PINK1: variants seen among roughly 807,000 people sequenced by gnomAD.
PINK1 encodes serine/threonine-protein kinase PINK1, mitochondrial.
PINK1 carries 58 observed loss-of-function variants against 56.0 expected under a neutral mutation model. The ratio of observed to expected loss-of-function variants is 1.04; its 90% CI spans 0.84 to 1.29. PINK1 has a LOEUF of 1.29. Among genes scored for constraint, PINK1 ranks in the 50% most tolerant of loss-of-function variants. The pLI is 0.00. For missense variants in PINK1, 745 were observed against 777.9 expected, an observed-to-expected ratio of 0.96 and a Z score of 0.50; for synonymous variants, 354 against 339.3, an observed-to-expected ratio of 1.04 and a Z score of -0.48.
chr1:20,647,210 C>G (rs180793992), intron 5 of PINK1, among the ~76,000 whole-genome samples: 1,565 of 152,056 alleles, frequency 0.01, 19 homozygotes, highest in African/African-American at 0.035. Flanking sequence ...GCGCCCACCA[C>G]CACGCCCGGC....
Position 20,633,512 on chromosome 1 carries a change from A to G in PINK1, c.-37A>G, listed in dbSNP as rs1226820560. The stretch of plus-strand genomic sequence containing the variant: ...GGCGGGGGACGCCGGTGGTGGCGGC[A>G]GCGGCGGCTGCGGGGGCACCGGGCC... On this transcript the variant is annotated 5_prime_UTR_variant, in exon 1 of 8. Transcript: ENST00000321556. The G allele has an allele frequency of 2.5e-5, 28 of 1,122,222 alleles. No homozygotes were observed. Among genetic ancestry groups the G allele is most frequent in the Non-Finnish European group, 3.0e-5 (28 of 918,782 alleles). 69.5% of individuals were successfully genotyped at this position (1,122,222 alleles called of 1,614,324 possible).
intron 1 of PINK1, among the ~76,000 whole-genome samples, chr1:20,636,707 G>A (rs1311750917): frequency 6.6e-6 from 1 of 152,172 alleles, no homozygotes; most frequent in Non-Finnish European, 1.5e-5. Flanking sequence ...CAGATAGCAG[G>A]TGCTTTAGGA....
In PINK1 at chr1:20,637,991, C is replaced by G; in HGVS notation, c.537C>G (p.Pro179=). The G allele has an allele frequency of 6.2e-7, 1 of 1,614,160 alleles. No individual in the cohort carries two copies. The highest frequency in any genetic ancestry group is 8.5e-7 in the Non-Finnish European group (1 of 1,180,012). ...AVYEATMPTL[P]QNLEVTKSTG... Reference sequence around the variant, plus strand: ...ATGAAGCCACCATGCCTACATTGCCCCAGAACCTGGAGGTGACAAAGAGCA... The same window carrying G: ...ATGAAGCCACCATGCCTACATTGCCGCAGAACCTGGAGGTGACAAAGAGCA... Residue 179 remains proline (P), a synonymous_variant, in exon 2 of 8, where the codon CCC becomes CCG. Coordinates refer to ENST00000321556, the MANE Select transcript of PINK1 (RefSeq NM_032409.3).
intron 6 of PINK1, 159 bp downstream of exon 6, chr1:20,648,791 TC>T: frequency 7.3e-7 from 1 of 1,365,548 alleles, no homozygotes; most frequent in African/African-American, 1.4e-5. Context: ...CCTCCGGCGT[TC>T]CCTCATGTTC....
intron 5 of PINK1, among the ~76,000 whole-genome samples, chr1:20,646,557 T>C (rs937573855): frequency 6.6e-5 from 10 of 152,022 alleles, no homozygotes; most frequent in Non-Finnish European, 1.3e-4. Context: ...GGCAGGAGAA[T>C]TGCTTGAACC....
chr1:20,651,346 T>C lies in PINK1; in HGVS notation c.*655T>C, dbSNP rs141140099. 3.0e-3 allele frequency: 439 copies of C among 145,872 alleles called. No individual in the cohort carries two copies. The highest frequency in any genetic ancestry group is 0.011 in the African/African-American group (417 of 39,210). The allele number at this position is 145,872 out of a possible 1,614,324, so 9.0% of individuals were successfully genotyped here. A position where few individuals can be genotyped will look rare whatever the true frequency, so the allele number is the denominator to read the frequency against. On this transcript the variant is annotated 3_prime_UTR_variant, in exon 8 of 8. Coordinates refer to ENST00000321556, the MANE Select transcript of PINK1 (RefSeq NM_032409.3). Reference sequence around the variant, plus strand: ...GACGTATGTGCCTTGAACTGAATATTTGGCTTTAAGAATGATTCTTATACT... The same window carrying C: ...GACGTATGTGCCTTGAACTGAATATCTGGCTTTAAGAATGATTCTTATACT...
In PINK1 at chr1:20,637,924, T is replaced by C; in HGVS notation, c.470T>C (p.Leu157Pro). 1 of 1,614,202 alleles carries C rather than the reference T, an allele frequency of 6.2e-7. No individual in the cohort carries two copies. Among genetic ancestry groups the C allele is most frequent in the Non-Finnish European group, 8.5e-7 (1 of 1,180,042 alleles). The change falls in exon 2 of 8, where the codon CTG becomes CCG. Residue 157 changes from leucine (L) to proline (P), a missense_variant. Physicochemically the swap from Leu to Pro is moderately conservative, Grantham distance 98. Transcript: ENST00000321556. ...CAGGGCTTTCGGCTGGAGGAGTATCTGATAGGGCAGTCCATTGGTAAGGGC... is the reference window on the plus strand; with the variant it reads ...CAGGGCTTTCGGCTGGAGGAGTATCCGATAGGGCAGTCCATTGGTAAGGGC... ...RLQGFRLEEY[L>P]IGQSIGKGCS...
chr1:20,638,118 T>C lies in PINK1; in HGVS notation c.664T>C (p.Trp222Arg). The C allele has an allele frequency of 3.7e-6, 6 of 1,612,360 alleles. No individual in the cohort carries two copies. The highest frequency in any genetic ancestry group is 5.1e-6 in the Non-Finnish European group (6 of 1,179,990). Residue 222 changes from tryptophan (W) to arginine (R), a missense_variant, in exon 2 of 8, where the codon TGG (tryptophan) becomes CGG (arginine). Transcript: ENST00000321556. ...PAFPLAIKMM[W>R]NISAGSSSEA... ...CTTCCCCTTGGCCATCAAGATGATGTGGAACATCTCGGTAAGCACCAGGCC... is the reference window on the plus strand; with the variant it reads ...CTTCCCCTTGGCCATCAAGATGATGCGGAACATCTCGGTAAGCACCAGGCC...
Position 20,637,867 on chromosome 1 carries a change from C to G in PINK1, c.413C>G (p.Pro138Arg), listed in dbSNP as rs781745700. Residue 138 changes from proline to arginine, a missense_variant, in exon 2 of 8, where the codon CCG (proline) becomes CGG (arginine). Pro to Arg is a moderately radical substitution (Grantham distance 103). Transcript: ENST00000321556. ...IQAIFTQKSK[P>R]GPDPLDTRRL... Reference sequence around the variant, plus strand: ...GCAATTTTTACCCAGAAAAGCAAGCCGGGGCCTGACCCGTTGGACACGAGA... The same window carrying G: ...GCAATTTTTACCCAGAAAAGCAAGCGGGGGCCTGACCCGTTGGACACGAGA... 2.1e-5 allele frequency: 34 copies of G among 1,614,014 alleles called. No individual in the cohort carries two copies. The highest frequency in any genetic ancestry group is 2.8e-5 in the Non-Finnish European group (33 of 1,180,042).
At position 20,643,847 on chromosome 1, in the gene PINK1, T is replaced by C. The variant is rs1444931997; in HGVS notation, c.777-643T>C. 3.9e-5 allele frequency among the ~76,000 whole-genome samples: 6 copies of C among 152,148 alleles called. No homozygotes were observed. In the South Asian group the frequency reaches 8.3e-4, roughly 21 times the overall value. ...AGGACAGAGGGGACACATTCCAAGA[T>C]AGATCCCCCAGTGGATGCCTGAAGC... On this transcript the variant is annotated intron_variant, in intron 3 of 7. Coordinates refer to ENST00000321556, the MANE Select transcript of PINK1 (RefSeq NM_032409.3).
chr1:20,650,511 G>T lies in PINK1; in HGVS notation c.1566G>T (p.Leu522=). The T allele has an allele frequency of 6.2e-7, 1 of 1,614,198 alleles. No homozygotes were observed. Among genetic ancestry groups the T allele is most frequent in the Non-Finnish European group, 8.5e-7 (1 of 1,180,040 alleles). ...AACATATTCTAGCCCTGAAGAATCTGAAGTTAGACAAGATGGTTGGCTGGC... is the reference window on the plus strand; with the variant it reads ...AACATATTCTAGCCCTGAAGAATCTTAAGTTAGACAAGATGGTTGGCTGGC... ...WGEHILALKN[L]KLDKMVGWLL... Residue 522 remains leucine, a synonymous_variant, in exon 8 of 8, where the codon CTG becomes CTT. Transcript: ENST00000321556.
At chr1:20,639,823 C>A in intron 2 of PINK1, 69 bp from the exon 3 acceptor site, 1 of 1,419,280 alleles carries the variant, frequency 7.0e-7, no homozygotes, top group Non-Finnish European at 9.7e-7. Context: ...AGGTTACAGG[C>A]AGGGCTTACA....
In PINK1 at chr1:20,651,486, A is replaced by G. The variant is rs1048375477; in HGVS notation, c.*795A>G. ...AGCTATTGCCTAAATCAGCGTCAAC[A>G]TGCAGTAAAGGTTGTCTTCAACTGA... On this transcript the variant is annotated 3_prime_UTR_variant, in exon 8 of 8. Coordinates refer to ENST00000321556, the MANE Select transcript of PINK1 (RefSeq NM_032409.3). 1 of 152,580 alleles carries G rather than the reference A, an allele frequency of 6.6e-6. No homozygotes were observed. The highest frequency in any genetic ancestry group is 1.9e-4 in the East Asian group (1 of 5,188). The allele number at this position is 152,580 out of a possible 1,614,324, so 9.5% of individuals were successfully genotyped here.
Position 20,637,959 on chromosome 1 carries a change from G to T in PINK1, c.505G>T (p.Ala169Ser). ...GQSIGKGCSA[A>S]VYEATMPTLP... Reference sequence around the variant, plus strand: ...GTCCATTGGTAAGGGCTGCAGTGCTGCTGTGTATGAAGCCACCATGCCTAC... The same window carrying T: ...GTCCATTGGTAAGGGCTGCAGTGCTTCTGTGTATGAAGCCACCATGCCTAC... Residue 169 changes from alanine to serine, a missense_variant, in exon 2 of 8, where the codon GCT becomes TCT. Physicochemically the swap from Ala to Ser is moderately conservative, Grantham distance 99. Coordinates refer to ENST00000321556, the MANE Select transcript of PINK1 (RefSeq NM_032409.3). 6.2e-7 allele frequency: 1 copy of T among 1,614,192 alleles called. No individual in the cohort carries two copies. The highest frequency in any genetic ancestry group is 8.5e-7 in the Non-Finnish European group (1 of 1,180,020).
chr1:20,635,083 C>T (rs550435406), intron 1 of PINK1, among the ~76,000 whole-genome samples: 1 of 152,244 alleles, frequency 6.6e-6, no homozygotes, highest in Non-Finnish European at 1.5e-5. Flanking sequence ...CTGCTTAAAA[C>T]TAAAGAGGCT....
chr1:20,648,629 A>G lies in PINK1; in HGVS notation c.1248A>G (p.Pro416=). The G allele has an allele frequency of 6.2e-7, 1 of 1,613,796 alleles. No homozygotes were observed. The highest frequency in any genetic ancestry group is 8.5e-7 in the Non-Finnish European group (1 of 1,180,032). The part of the protein sequence containing the change: ...DRGGNGCLMA[P]EVSTARPGPR... ...GCGGAAACGGCTGTCTGATGGCCCC[A>G]GAGGTGAGTCCCGAGTGTGTCATGC... Residue 416 remains proline, a synonymous_variant, in exon 6 of 8, where the codon CCA becomes CCG. Transcript: ENST00000321556.
chr1:20,643,058 C>T (rs7550319), intron 3 of PINK1: 40,297 of 152,320 alleles, frequency 0.26, 5,533 homozygotes, highest in South Asian at 0.37. Context: ...TCCCTTTGGC[C>T]TGCTCACCTC....
rs114866342 is a variant in PINK1 at position 20,650,350 on chromosome 1, G to C, written c.1489-84G>C. ...GAAGAATTGGGTTGGGACCAGAGAA[G>C]GGAAGACCCTCACTAACAAAGCAGG... On this transcript the variant is annotated intron_variant, in intron 7 of 7. Transcript: ENST00000321556. 1.8e-3 allele frequency: 2,737 copies of C among 1,561,622 alleles called. 46 individuals carry two copies. The African/African-American group carries it at 0.033, about 19-fold the overall frequency.
In PINK1 at chr1:20,648,527, C is replaced by G. The variant is rs548701521; in HGVS notation, c.1146C>G (p.Ile382Met). The stretch of plus-strand genomic sequence containing the variant: ...CAGACGGCTGCCCCTGGCTGGTGAT[C>G]GCAGATTTTGGCTGCTGCCTGGCTG... ...LDPDGCPWLV[I>M]ADFGCCLADE... Residue 382 changes from isoleucine (I) to methionine (M), a missense_variant, in exon 6 of 8, where the codon ATC (isoleucine) becomes ATG (methionine). Physicochemically the swap from Ile to Met is conservative, Grantham distance 10. Coordinates refer to ENST00000321556, the MANE Select transcript of PINK1 (RefSeq NM_032409.3). 10 of 1,614,132 alleles carry G rather than the reference C, an allele frequency of 6.2e-6. No homozygotes were observed. In the South Asian group the frequency reaches 9.9e-5, roughly 16 times the overall value.
Sources: allele counts gnomAD v4.1 joint callset (sites outside exome capture counted in the v4.1 genomes callset), GRCh38; gene constraint gnomAD v4.1.1; transcripts MANE v1.5; gene names NCBI Gene and HGNC (gene_info 2026-07-23, HGNC 2026-07-21).